TENM3: variants seen among roughly 807,000 people sequenced by gnomAD.
TENM3 encodes teneurin transmembrane protein 3, also known as teneurin-3.
TENM3 carries 63 observed loss-of-function variants against 255.1 expected under a neutral mutation model. The ratio of observed to expected loss-of-function variants is 0.25; its 90% CI spans 0.20 to 0.30. The LOEUF (loss-of-function observed/expected upper bound fraction) is 0.30. Ranked by LOEUF, TENM3 falls within the 10% of genes least tolerant of loss-of-function variation. The probability of loss-of-function intolerance (pLI) is 1.00; values close to 1 mark genes in which losing one functional copy is unlikely to be tolerated. For synonymous variants in TENM3, 1,306 were observed against 1,322.3 expected, an observed-to-expected ratio of 0.99 and a Z score of 0.27; for missense variants, 2,929 against 3,461.1, an observed-to-expected ratio of 0.85 and a Z score of 3.86.
At chr4:182,039,163 C>T in the TENM3 span, among the ~76,000 whole-genome samples, 1 of 152,170 alleles carries the variant, frequency 6.6e-6, no homozygotes, top group Non-Finnish European at 1.5e-5. Context: ...CCACCAATCG[C>T]TTTATTTCCA....
chr4:182,324,581 A>G (rs1029412997), intron 2 of TENM3, among the ~76,000 whole-genome samples: 1 of 152,200 alleles, frequency 6.6e-6, no homozygotes, highest in African/African-American at 2.4e-5. Flanking sequence ...GCTCCCTTTT[A>G]GTTGAATGAA....
At chr4:181,638,408 T>C in the TENM3 span, among the ~76,000 whole-genome samples, 1 of 152,206 alleles carries the variant, frequency 6.6e-6, no homozygotes, top group African/African-American at 2.4e-5. Flanking sequence ...AATGCCCCCC[T>C]GTGTTTGGGG....
At chr4:182,028,107 T>G in the TENM3 span, among the ~76,000 whole-genome samples, 1 of 152,190 alleles carries the variant, frequency 6.6e-6, no homozygotes, top group Non-Finnish European at 1.5e-5. Flanking sequence ...CCTAGGCTTT[T>G]CTTTACAGGA....
chr4:181,570,559 A>G, the TENM3 span, among the ~76,000 whole-genome samples: 4 of 149,294 alleles, frequency 2.7e-5, no homozygotes, highest in South Asian at 2.2e-4. Context: ...AGAGAGAGAG[A>G]AAAAAAAGAA....
intron 1 of TENM3, among the ~76,000 whole-genome samples, chr4:182,275,658 C>T (rs977533381): frequency 1.3e-5 from 2 of 152,142 alleles, no homozygotes; most frequent in African/African-American, 4.8e-5. Context: ...TGTTATGGGG[C>T]AGGTGTGGTG....
the TENM3 span, among the ~76,000 whole-genome samples, chr4:181,776,400 G>T: frequency 6.6e-6 from 1 of 151,884 alleles, no homozygotes; most frequent in African/African-American, 2.4e-5. Flanking sequence ...GAATCCCTTC[G>T]AAATACTGAT....
chr4:182,284,385 G>A (rs1366032321), intron 1 of TENM3, among the ~76,000 whole-genome samples: 2 of 152,168 alleles, frequency 1.3e-5, no homozygotes, highest in East Asian at 3.8e-4. Context: ...TTTTAAAAAT[G>A]TGGGTAATAT....
Position 182,559,844 on chromosome 4 carries a change from A to G in TENM3, c.512-41080A>G, listed in dbSNP as rs564901440. Among the ~76,000 whole-genome samples the G allele has an allele frequency of 1.2e-3, 179 of 152,260 alleles. 1 individual carries two copies. Among genetic ancestry groups the G allele is most frequent in the African/African-American group, 4.1e-3 (170 of 41,578 alleles). ...ATAAATAGAATGAATAAGATCTAGTATTTGATTGCATAACAGAGTGACTGT... is the reference window on the plus strand; with the variant it reads ...ATAAATAGAATGAATAAGATCTAGTGTTTGATTGCATAACAGAGTGACTGT... On this transcript the variant is annotated intron_variant, in intron 3 of 27. Coordinates refer to ENST00000511685, the MANE Select transcript of TENM3 (RefSeq NM_001080477.4).
the TENM3 span, among the ~76,000 whole-genome samples, chr4:182,010,497 T>C: frequency 2.4e-4 from 37 of 151,762 alleles, no homozygotes; most frequent in African/African-American, 8.9e-4. Context: ...AAATAAATAA[T>C]TATAATAGAT....
At chr4:181,558,598 A>G in the TENM3 span, among the ~76,000 whole-genome samples, 1 of 152,230 alleles carries the variant, frequency 6.6e-6, no homozygotes, top group African/African-American at 2.4e-5. Context: ...AATAATAGGT[A>G]TGCCTGGGAG....
At chr4:181,772,303 G>A in the TENM3 span, among the ~76,000 whole-genome samples, 21 of 152,046 alleles carry the variant, frequency 1.4e-4, no homozygotes, top group East Asian at 1.8e-3. Flanking sequence ...GCTTGAACCC[G>A]GGAGATGGAG....
At chr4:182,629,523 A>G (rs962578988) in intron 5 of TENM3, among the ~76,000 whole-genome samples, 3 of 150,410 alleles carry the variant, frequency 2.0e-5, no homozygotes, top group Non-Finnish European at 4.5e-5. Flanking sequence ...TTATTTAACC[A>G]TTTCATAACA....
chr4:182,401,622 C>G (rs1769219040), intron 3 of TENM3, among the ~76,000 whole-genome samples: 1 of 151,876 alleles, frequency 6.6e-6, no homozygotes, highest in Admixed American at 6.6e-5. Context: ...TTTTCAGGTC[C>G]ACAGATGAGT....
At chr4:181,695,556 T>C in the TENM3 span, among the ~76,000 whole-genome samples, 1 of 152,194 alleles carries the variant, frequency 6.6e-6, no homozygotes, top group Non-Finnish European at 1.5e-5. Flanking sequence ...TGGCATGTTC[T>C]CTCCCACTCC....
chr4:181,863,744 T>C, the TENM3 span, among the ~76,000 whole-genome samples: 5 of 152,096 alleles, frequency 3.3e-5, no homozygotes. Flanking sequence ...TTATGGAAGT[T>C]AGCCTCTTGA....
chr4:182,729,327 CTTTGTAT>C, intron 14 of TENM3, 146 bp downstream of exon 14: 1 of 715,284 alleles, frequency 1.4e-6, no homozygotes, highest in Non-Finnish European at 2.3e-6. Flanking sequence ...CTTCACCAAA[CTTTGTAT>C]TTCAAGCATT....
Position 182,714,148 on chromosome 4 carries a change from T to C in TENM3, c.2283T>C (p.His761=), listed in dbSNP as rs1758965130. 2.5e-6 allele frequency: 4 copies of C among 1,612,970 alleles called. No homozygotes were observed. Among genetic ancestry groups the C allele is most frequent in the Non-Finnish European group, 3.4e-6 (4 of 1,179,046 alleles). ...GTACCCTGGACCAAAATGGCTGGCA[T>C]TGTGTGTGCCAGCCTGGATGGAGAG... ...GRCTLDQNGW[H]CVCQPGWRGA... Residue 761 remains histidine, a synonymous_variant, in exon 13 of 28, where the codon CAT becomes CAC. Coordinates refer to ENST00000511685, the MANE Select transcript of TENM3 (RefSeq NM_001080477.4).
At chr4:182,797,801 A>G (rs978445700) in intron 27 of TENM3, among the ~76,000 whole-genome samples, 5 of 152,148 alleles carry the variant, frequency 3.3e-5, no homozygotes, top group Admixed American at 1.3e-4. Context: ...TTAATTCCCA[A>G]CCACCCCTTG....
At chr4:182,235,904 G>T (rs939592340) in intron 1 of TENM3, among the ~76,000 whole-genome samples, 2 of 152,220 alleles carry the variant, frequency 1.3e-5, no homozygotes, top group African/African-American at 2.4e-5. Flanking sequence ...GAACAAAGCA[G>T]TCTAAAAAAT....
Sources: allele counts gnomAD v4.1 joint callset (sites outside exome capture counted in the v4.1 genomes callset), GRCh38; gene constraint gnomAD v4.1.1; transcripts MANE v1.5; gene names NCBI Gene and HGNC (gene_info 2026-07-23, HGNC 2026-07-21).